Variants in ARHGEF10L observed in about 807,000 individuals in gnomAD.
ARHGEF10L encodes the protein rho guanine nucleotide exchange factor 10-like protein.
Under a neutral mutation model 141.2 loss-of-function variants are expected in ARHGEF10L, and 69 were observed. The observed-to-expected ratio is 0.49, with a 90% CI of 0.40 to 0.60. The LOEUF is 0.60. Among genes scored for constraint, ARHGEF10L ranks in the 20% least tolerant of loss-of-function variants. The pLI is 0.00. For synonymous variants in ARHGEF10L, 711 were observed against 718.5 expected (o/e 0.99, Z 0.17); for missense variants, 1,482 against 1,734.3 (o/e 0.85, Z 2.58).
intron 1 of ARHGEF10L, among the ~76,000 whole-genome samples, chr1:17,542,249 G>A (rs760822514): frequency 1.4e-4 from 21 of 152,068 alleles, no homozygotes; most frequent in Non-Finnish European, 2.5e-4. Context: ...AGGTGTTCGG[G>A]ACCAGCCTGG....
At chr1:17,597,015 C>T (rs528210797) in intron 4 of ARHGEF10L, among the ~76,000 whole-genome samples, 1 of 152,342 alleles carries the variant, frequency 6.6e-6, no homozygotes, top group African/African-American at 2.4e-5. Context: ...ACCAGAAACG[C>T]ACCAGGTGGC....
At position 17,625,203 on chromosome 1, in the gene ARHGEF10L, T is replaced by C. The variant is rs373286652; in HGVS notation, c.1317+700T>C. 6.6e-6 allele frequency among the ~76,000 whole-genome samples: 1 copy of C among 152,172 alleles called. No individual in the cohort carries two copies. Among genetic ancestry groups the C allele is most frequent in the East Asian group, 1.9e-4 (1 of 5,190 alleles). On this transcript the variant is annotated intron_variant, in intron 13 of 28. Transcript: ENST00000361221. This position sits in a 1 kb window ranked among gnomAD's most constrained non-coding sequence, Gnocchi z 4.5. The stretch of plus-strand genomic sequence containing the variant: ...GCCCTGGCGGGGGATGGTGGGATTG[T>C]GCCAAATAAAGACAGAGGAGAGCCT...
chr1:17,592,476 C>T (rs541716219), intron 4 of ARHGEF10L, among the ~76,000 whole-genome samples: 43 of 152,098 alleles, frequency 2.8e-4, no homozygotes, highest in African/African-American at 8.7e-4. Flanking sequence ...ATGGGGCAGC[C>T]GTATTCTGGG....
intron 4 of ARHGEF10L, among the ~76,000 whole-genome samples, chr1:17,596,703 G>T (rs2080140786): frequency 1.3e-5 from 2 of 152,172 alleles, no homozygotes; most frequent in South Asian, 2.1e-4. Context: ...AGCCCCTGCA[G>T]GGGTGGCGGG....
rs1164479835 is a variant in ARHGEF10L, at chr1:17,644,433, G to A, written c.2273-4121G>A. Among the ~76,000 whole-genome samples the A allele has an allele frequency of 1.3e-5, 2 of 152,208 alleles. No individual in the cohort carries two copies. The highest frequency in any genetic ancestry group is 4.8e-5 in the African/African-American group (2 of 41,454). ...GGGATGGGTCTCCTCTCCAGGAGTA[G>A]GGCCGAGGGCGTGGCCTTGGAGTCC... On this transcript the variant is annotated intron_variant, in intron 21 of 28. Coordinates refer to ENST00000361221, the MANE Select transcript of ARHGEF10L (RefSeq NM_018125.4). This position sits in a 1 kb window ranked among gnomAD's most constrained non-coding sequence, Gnocchi z 4.5.
chr1:17,672,002 G>A (rs115112188), intron 26 of ARHGEF10L, among the ~76,000 whole-genome samples: 4,945 of 152,284 alleles, frequency 0.032, 300 homozygotes, highest in African/African-American at 0.11. Flanking sequence ...GGTTTTAACC[G>A]GCTTCGGAGC....
chr1:17,620,962 T>C (rs1478193270), intron 10 of ARHGEF10L, among the ~76,000 whole-genome samples: 1 of 152,062 alleles, frequency 6.6e-6, no homozygotes, highest in Non-Finnish European at 1.5e-5. Flanking sequence ...GATCCTCAGC[T>C]GAGGGAGGTG....
chr1:17,654,855 TG>T lies in ARHGEF10L; in HGVS notation c.2481+136del. ...GCAGCTTCATCCACCAAGGTCTTCC[TG>T]GGCACCTCTGGTGCCAGGCACTGCA... On this transcript the variant is annotated intron_variant, in intron 23 of 28. Coordinates refer to ENST00000361221, the MANE Select transcript of ARHGEF10L (RefSeq NM_018125.4). This position sits in a 1 kb window ranked among gnomAD's most constrained non-coding sequence, Gnocchi z 4.3. 1.2e-6 allele frequency: 1 copy of T among 840,824 alleles called. No individual in the cohort carries two copies. The highest frequency in any genetic ancestry group is 1.4e-5 in the South Asian group (1 of 69,796). The allele number at this position is 840,824 out of a possible 1,614,324, so 52.1% of individuals were successfully genotyped here.
At chr1:17,595,095 T>C (rs749576442) in intron 4 of ARHGEF10L, among the ~76,000 whole-genome samples, 35 of 152,166 alleles carry the variant, frequency 2.3e-4, no homozygotes, top group Non-Finnish European at 5.0e-4. Flanking sequence ...AATGATAGAC[T>C]AAAAGCAACT....
Position 17,622,012 on chromosome 1 carries a change from G to A in ARHGEF10L, c.1020+71G>A, listed in dbSNP as rs2060135295. The A allele has an allele frequency of 3.9e-6, 6 of 1,527,660 alleles. No individual in the cohort carries two copies. In the East Asian group the frequency reaches 9.0e-5, roughly 23 times the overall value. The allele number at this position is 1,527,660 out of a possible 1,614,324, so 94.6% of individuals were successfully genotyped here. A position where few individuals can be genotyped will look rare whatever the true frequency, so the allele number is the denominator to read the frequency against. ...AGGGCCCTGGAGGGTAACTTTATAC[G>A]GAGTGTTTGGGGACTGTGGGCAGTT... On this transcript the variant is annotated intron_variant, in intron 11 of 28. Coordinates refer to ENST00000361221, the MANE Select transcript of ARHGEF10L (RefSeq NM_018125.4).
chr1:17,557,888 G>T (rs564495222), intron 1 of ARHGEF10L, among the ~76,000 whole-genome samples: 14 of 152,162 alleles, frequency 9.2e-5, no homozygotes, highest in African/African-American at 1.7e-4. Context: ...AATACTTGGG[G>T]TAAAGCTAGG....
chr1:17,666,695 C>T (rs2062995779), intron 26 of ARHGEF10L, among the ~76,000 whole-genome samples: 1 of 151,998 alleles, frequency 6.6e-6, no homozygotes, highest in Non-Finnish European at 1.5e-5. Flanking sequence ...CTTCCCAGCC[C>T]CTGGTTCATG....
chr1:17,537,736 GC>G (rs1484339226), upstream of ARHGEF10L, among the ~76,000 whole-genome samples: 2 of 151,756 alleles, frequency 1.3e-5, no homozygotes, highest in Non-Finnish European at 2.9e-5. Flanking sequence ...AATAAAGAAG[GC>G]CGGGCACGGT....
chr1:17,663,160 C>T (rs1571357171), intron 25 of ARHGEF10L, among the ~76,000 whole-genome samples: 1 of 152,164 alleles, frequency 6.6e-6, no homozygotes, highest in African/African-American at 2.4e-5. Flanking sequence ...TTCTTGGGTG[C>T]GCTGATCATC....
At position 17,634,992 on chromosome 1, in the gene ARHGEF10L, G is replaced by A. The variant is rs571876118; in HGVS notation, c.1903G>A (p.Ala635Thr). The A allele has an allele frequency of 6.4e-5, 103 of 1,614,076 alleles. 1 individual carries two copies. The South Asian group carries it at 9.7e-4, about 15-fold the overall frequency. ...VLIQHSGAKK[A>T]SASGQAQNKV... ...CATCCAGCACTCAGGCGCCAAGAAG[G>A]CCTCTGCCTCAGGGCAGGCTCAGAG... is the stretch of plus-strand genomic sequence containing the variant. Residue 635 changes from alanine (A) to threonine (T), a missense_variant, in exon 18 of 29, where the codon GCC becomes ACC. Physicochemically the swap from Ala to Thr is moderately conservative, Grantham distance 58. This residue lies in a region of ARHGEF10L where 858 missense variants were observed against 966.3 expected (regional missense o/e 0.89). Coordinates refer to ENST00000361221, the MANE Select transcript of ARHGEF10L (RefSeq NM_018125.4).
intron 5 of ARHGEF10L, 150 bp downstream of exon 5, chr1:17,602,368 G>C (rs762454708): frequency 5.0e-6 from 4 of 804,148 alleles, no homozygotes; most frequent in Admixed American, 2.8e-5. Flanking sequence ...ACCAACCACC[G>C]CCCCCAAGAG....
rs1436228408 is a variant in ARHGEF10L, at chr1:17,656,821, C to G, written c.2860+113C>G. 23 of 1,348,898 alleles carry G rather than the reference C, an allele frequency of 1.7e-5. No homozygotes were observed. The highest frequency in any genetic ancestry group is 2.2e-5 in the Non-Finnish European group (22 of 998,450). 83.6% of individuals were successfully genotyped at this position (1,348,898 alleles called of 1,614,324 possible). ...TGGGCAGGAATGAATTGGGAAATCT[C>G]AGTGCTGAGGGCATTTGGAGATCCG... On this transcript the variant is annotated intron_variant, in intron 25 of 28. Transcript: ENST00000361221. This position sits in a 1 kb window ranked among gnomAD's most constrained non-coding sequence, Gnocchi z 4.9.
intron 4 of ARHGEF10L, among the ~76,000 whole-genome samples, chr1:17,594,164 C>T (rs1166402720): frequency 6.6e-6 from 1 of 151,836 alleles, no homozygotes; most frequent in Non-Finnish European, 1.5e-5. Flanking sequence ...GTACCCAGCA[C>T]TTCTTACATG....
intron 5 of ARHGEF10L, among the ~76,000 whole-genome samples, chr1:17,602,673 C>A (rs1314420611): frequency 6.6e-6 from 1 of 152,126 alleles, no homozygotes; most frequent in African/African-American, 2.4e-5. Context: ...CAGCAAGGGC[C>A]TCATCTGTGG....
Sources: allele counts gnomAD v4.1 joint callset (sites outside exome capture counted in the v4.1 genomes callset), GRCh38; gene constraint gnomAD v4.1.1; regional missense constraint gnomAD v4.1.1; non-coding constraint Gnocchi (gnomAD v3.1); transcripts MANE v1.5; gene names NCBI Gene and HGNC (gene_info 2026-07-23, HGNC 2026-07-21).